Variants in C10orf67 observed in about 807,000 individuals in gnomAD.
C10orf67 encodes the protein uncharacterized protein C10orf67, mitochondrial.
C10orf67 carries 60 observed loss-of-function variants against 35.6 expected under a neutral mutation model. That is an observed-to-expected ratio of 1.68 (90% CI 1.37 to 2.09). C10orf67 has a LOEUF of 2.09. C10orf67 is among the 30% of genes most tolerant of loss of function. The pLI is 0.00. For missense variants in C10orf67, 474 were observed against 330.2 expected (o/e 1.44, Z -3.38); for synonymous variants, 167 against 115.8 (o/e 1.44, Z -2.84).
chr10:23,207,738 C>T (rs559374482), intron 15 of C10orf67, among the ~76,000 whole-genome samples: 1 of 152,328 alleles, frequency 6.6e-6, no homozygotes, highest in South Asian at 2.1e-4. Context: ...AAAATTCCCT[C>T]CTGCATTTTG....
intron 5 of C10orf67, among the ~76,000 whole-genome samples, chr10:23,294,164 A>G (rs1843809526): frequency 6.6e-6 from 1 of 152,124 alleles, no homozygotes; most frequent in East Asian, 1.9e-4. Context: ...GACAACCAGG[A>G]AAGTGGCACT....
At chr10:23,205,712 T>A (rs1344230339) in intron 15 of C10orf67, among the ~76,000 whole-genome samples, 2 of 152,172 alleles carry the variant, frequency 1.3e-5, no homozygotes, top group South Asian at 4.1e-4. Context: ...TTAACAAAGA[T>A]TATCTTAGAA....
At chr10:23,225,619 A>T (rs1478614682) in intron 13 of C10orf67, among the ~76,000 whole-genome samples, 1 of 152,206 alleles carries the variant, frequency 6.6e-6, no homozygotes, top group Non-Finnish European at 1.5e-5. Flanking sequence ...TGCATTCAGG[A>T]GACCTACCTC....
At chr10:23,309,397 AG>A (rs1200609466) in intron 4 of C10orf67, among the ~76,000 whole-genome samples, 3 of 152,194 alleles carry the variant, frequency 2.0e-5, no homozygotes, top group African/African-American at 7.2e-5. Flanking sequence ...AAAGGGAAAA[AG>A]GTGGCAGGGA....
At chr10:23,235,895 T>A (rs1268111035) in intron 13 of C10orf67, among the ~76,000 whole-genome samples, 1 of 152,094 alleles carries the variant, frequency 6.6e-6, no homozygotes, top group African/African-American at 2.4e-5. Context: ...GGTGGGTGGA[T>A]CACGAGGTCA....
At chr10:23,236,472 AC>A (rs1375480764) in intron 13 of C10orf67, among the ~76,000 whole-genome samples, 1 of 151,998 alleles carries the variant, frequency 6.6e-6, no homozygotes, top group African/African-American at 2.4e-5. Flanking sequence ...AAACAAAAAA[AC>A]AACAATATCA....
chr10:23,248,816 G>C (rs1246371351), intron 12 of C10orf67, among the ~76,000 whole-genome samples: 1 of 152,246 alleles, frequency 6.6e-6, no homozygotes, highest in African/African-American at 2.4e-5. Context: ...AGAAAACATA[G>C]AAAGTGTGTA....
At chr10:23,340,195 T>G (rs1006990828) in intron 1 of C10orf67, among the ~76,000 whole-genome samples, 1 of 151,994 alleles carries the variant, frequency 6.6e-6, no homozygotes, top group Non-Finnish European at 1.5e-5. Flanking sequence ...ACCATAATAT[T>G]ACAATAATAC....
chr10:23,205,058 C>G (rs1049648275), intron 15 of C10orf67, among the ~76,000 whole-genome samples: 21 of 152,206 alleles, frequency 1.4e-4, no homozygotes, highest in Non-Finnish European at 2.5e-4. Context: ...GCCAGGCTGT[C>G]ATTCCAAGGC....
chr10:23,283,490 C>A (rs1478422950), intron 7 of C10orf67, among the ~76,000 whole-genome samples: 2 of 152,190 alleles, frequency 1.3e-5, no homozygotes, highest in Admixed American at 1.3e-4. Context: ...TCCTCCCTCC[C>A]ATTAATTTTC....
At chr10:23,304,795 C>T (rs1844212828) in intron 4 of C10orf67, among the ~76,000 whole-genome samples, 1 of 152,092 alleles carries the variant, frequency 6.6e-6, no homozygotes, top group Non-Finnish European at 1.5e-5. Flanking sequence ...GGTAACAGGC[C>T]CACCATCTGC....
chr10:23,201,956 T>C (rs960371513), downstream of C10orf67: 1 of 152,038 alleles, frequency 6.6e-6, no homozygotes, highest in African/African-American at 2.4e-5. Context: ...TCTGCGATGA[T>C]TGATTTTTTT....
chr10:23,308,391 C>T (rs999216802), intron 4 of C10orf67, among the ~76,000 whole-genome samples: 7 of 152,176 alleles, frequency 4.6e-5, no homozygotes, highest in Non-Finnish European at 7.3e-5. Flanking sequence ...TCTCCTCCTA[C>T]GGGCTAACAT....
At chr10:23,229,593 A>T (rs1383317515) in intron 13 of C10orf67, among the ~76,000 whole-genome samples, 1 of 152,128 alleles carries the variant, frequency 6.6e-6, no homozygotes, top group Non-Finnish European at 1.5e-5. Flanking sequence ...AATAATAAAA[A>T]AAGTTTGTCA....
intron 15 of C10orf67, among the ~76,000 whole-genome samples, chr10:23,214,676 A>G (rs1159999100): frequency 1.3e-5 from 2 of 152,226 alleles, no homozygotes; most frequent in South Asian, 2.1e-4. Flanking sequence ...ACTAAAAATC[A>G]TATAACACTT....
intron 4 of C10orf67, among the ~76,000 whole-genome samples, chr10:23,306,073 C>T (rs1032826952): frequency 6.6e-6 from 1 of 151,944 alleles, no homozygotes; most frequent in Non-Finnish European, 1.5e-5. Flanking sequence ...GAATATTTTT[C>T]AGCCATAAAA....
At chr10:23,257,782 G>A (rs1842642275) in intron 10 of C10orf67, among the ~76,000 whole-genome samples, 1 of 150,800 alleles carries the variant, frequency 6.6e-6, no homozygotes, top group African/African-American at 2.4e-5. Flanking sequence ...CAACCTGGGT[G>A]ACAGAGTCAG....
At chr10:23,226,878 A>G (rs189470287) in intron 13 of C10orf67, among the ~76,000 whole-genome samples, 1 of 152,218 alleles carries the variant, frequency 6.6e-6, no homozygotes, top group East Asian at 1.9e-4. Context: ...CACCTTCCCA[A>G]GACTTAACCA....
intron 8 of C10orf67, among the ~76,000 whole-genome samples, chr10:23,270,794 C>T (rs1402138354): frequency 2.0e-5 from 3 of 152,228 alleles, no homozygotes; most frequent in African/African-American, 7.2e-5. Context: ...GAGTCTCCCA[C>T]AATGCAGCAC....
Sources: gnomAD v4.1 joint callset for allele counts (sites outside exome capture counted in the v4.1 genomes callset) on GRCh38, gnomAD v4.1.1 for gene constraint, MANE v1.5 for transcripts, NCBI Gene and HGNC (gene_info 2026-07-23, HGNC 2026-07-21) for gene names.